Variants in SDK1 observed in about 807,000 individuals in gnomAD.
The protein encoded by SDK1 is sidekick cell adhesion molecule 1, also known as protein sidekick-1.
A neutral mutation model predicts 245.5 loss-of-function variants in SDK1; 157 were observed. The observed-to-expected ratio is 0.64, with a 90% CI of 0.56 to 0.73. The LOEUF is 0.73. Ranked by LOEUF, SDK1 falls within the 30% of genes least tolerant of loss-of-function variation. SDK1 has a pLI of 0.00. For missense variants in SDK1, 3,583 were observed against 3,002.3 expected (o/e 1.19, Z -4.52); for synonymous variants, 1,647 against 1,278.5 (o/e 1.29, Z -6.15).
chr7:3,660,458 G>C (rs1000256406), intron 4 of SDK1, among the ~76,000 whole-genome samples: 1 of 152,128 alleles, frequency 6.6e-6, no homozygotes, highest in Non-Finnish European at 1.5e-5. Context: ...GGGGAAATAG[G>C]AGGGAGACAG....
At chr7:3,953,579 T>G (rs1781001109) in intron 7 of SDK1, among the ~76,000 whole-genome samples, 1 of 152,140 alleles carries the variant, frequency 6.6e-6, no homozygotes, top group South Asian at 2.1e-4. Context: ...GACGTGTAAA[T>G]CTCTAGTAGA....
At chr7:3,600,849 A>G (rs1420769336) in intron 1 of SDK1, among the ~76,000 whole-genome samples, 1 of 152,084 alleles carries the variant, frequency 6.6e-6, no homozygotes, top group Non-Finnish European at 1.5e-5. Context: ...TGCCTGGCCA[A>G]TGTAGGTTTT....
At chr7:3,812,082 G>A (rs769970680) in intron 4 of SDK1, among the ~76,000 whole-genome samples, 1 of 152,094 alleles carries the variant, frequency 6.6e-6, no homozygotes, top group Non-Finnish European at 1.5e-5. Flanking sequence ...ATCCCCTTGT[G>A]TTCAACAACC....
At chr7:4,031,220 CAT>C (rs1265390521) in intron 17 of SDK1, among the ~76,000 whole-genome samples, 1 of 152,206 alleles carries the variant, frequency 6.6e-6, no homozygotes, top group East Asian at 1.9e-4. Context: ...CACACATACA[CAT>C]ATGCATGCAG....
At chr7:4,204,552 C>T (rs1429781740) in intron 35 of SDK1, among the ~76,000 whole-genome samples, 2 of 152,046 alleles carry the variant, frequency 1.3e-5, no homozygotes, top group Non-Finnish European at 1.5e-5. Context: ...GGGGAAGGGG[C>T]GAGTCCTGAG....
At chr7:3,504,182 A>ATGTGTGTATGTGTG (rs1554281088) in intron 1 of SDK1, among the ~76,000 whole-genome samples, 8 of 131,886 alleles carry the variant, frequency 6.1e-5, no homozygotes. Flanking sequence ...ATATATATAT[A>ATGTGTGTATGTGTG]TGTGTGTGTG....
chr7:4,115,986 A>G (rs1783680160), intron 25 of SDK1, among the ~76,000 whole-genome samples: 1 of 152,156 alleles, frequency 6.6e-6, no homozygotes, highest in African/African-American at 2.4e-5. Flanking sequence ...GTGGGGGCAC[A>G]AGGCCTGTTG....
At chr7:3,776,980 C>G (rs957220667) in intron 4 of SDK1, among the ~76,000 whole-genome samples, 3 of 152,154 alleles carry the variant, frequency 2.0e-5, no homozygotes, top group Non-Finnish European at 2.9e-5. Flanking sequence ...TTTCCACCCC[C>G]ACACACACTT....
intron 1 of SDK1, among the ~76,000 whole-genome samples, chr7:3,507,988 C>T (rs1228255811): frequency 1.3e-5 from 2 of 152,168 alleles, no homozygotes; most frequent in Admixed American, 6.6e-5. Context: ...GTCCTGGAAT[C>T]CTCTTTTCCC....
chr7:4,178,656 C>T (rs750773739), intron 35 of SDK1, 70 bp downstream of exon 35: 89 of 1,102,318 alleles, frequency 8.1e-5, no homozygotes, highest in Non-Finnish European at 1.1e-4. Context: ...AGGCACGCTG[C>T]GGCCAAGCCC....
At chr7:3,589,088 C>T (rs991420068) in intron 1 of SDK1, among the ~76,000 whole-genome samples, 1 of 152,228 alleles carries the variant, frequency 6.6e-6, no homozygotes, top group Non-Finnish European at 1.5e-5. Flanking sequence ...TGCAACTCAG[C>T]AGGGAGAAAT....
At chr7:3,690,812 C>T (rs1784419718) in intron 4 of SDK1, among the ~76,000 whole-genome samples, 1 of 152,160 alleles carries the variant, frequency 6.6e-6, no homozygotes, top group South Asian at 2.1e-4. Flanking sequence ...TGTCTTTAGA[C>T]ATCCAAGAAA....
chr7:3,659,716 A>G (rs192651177), intron 4 of SDK1, among the ~76,000 whole-genome samples: 90 of 152,330 alleles, frequency 5.9e-4, no homozygotes, highest in African/African-American at 2.1e-3. Flanking sequence ...TTTGTGAAGA[A>G]TAGAGAGTAA....
chr7:3,832,569 A>G (rs1295530941), intron 5 of SDK1, among the ~76,000 whole-genome samples: 1 of 152,228 alleles, frequency 6.6e-6, no homozygotes, highest in Non-Finnish European at 1.5e-5. Context: ...AAGGCCACTT[A>G]ACAATGCTGA....
chr7:3,772,845 G>C (rs1780442319), intron 4 of SDK1, among the ~76,000 whole-genome samples: 2 of 152,098 alleles, frequency 1.3e-5, no homozygotes. Context: ...CTAGCTGTAG[G>C]ATTCTTGGTT....
chr7:3,658,569 T>C (rs1217033674), intron 4 of SDK1, among the ~76,000 whole-genome samples: 1 of 151,920 alleles, frequency 6.6e-6, no homozygotes, highest in Non-Finnish European at 1.5e-5. Flanking sequence ...CAGTGGTTTT[T>C]AGTATATTCA....
At chr7:3,965,710 AC>A (rs1423715473) in intron 9 of SDK1, among the ~76,000 whole-genome samples, 1 of 151,758 alleles carries the variant, frequency 6.6e-6, no homozygotes, top group African/African-American at 2.4e-5. Flanking sequence ...GGACGAGATG[AC>A]TCCAGCCAGC....
At chr7:3,832,160 C>G (rs557324597) in intron 5 of SDK1, among the ~76,000 whole-genome samples, 1 of 152,272 alleles carries the variant, frequency 6.6e-6, no homozygotes, top group African/African-American at 2.4e-5. Context: ...GGTAACAAAT[C>G]AAAGCAACAA....
In SDK1 at chr7:4,265,285, G is replaced by C. The variant is rs1334192737; in HGVS notation, c.6543G>C (p.Gln2181His). 1.9e-6 allele frequency: 3 copies of C among 1,585,290 alleles called. No homozygotes were observed. Among genetic ancestry groups the C allele is most frequent in the Admixed American group, 1.7e-5 (1 of 58,120 alleles). The change falls in exon 45 of 45, where the codon CAG becomes CAC. Residue 2181 changes from glutamine (Q) to histidine (H), a missense_variant. Gln to His is a conservative substitution (Grantham distance 24). Coordinates refer to ENST00000404826, the MANE Select transcript of SDK1 (RefSeq NM_152744.4). ...EAVAGSEAGA[Q>H]LHPVITTQSA... ...TGGCGGGCTCCGAGGCGGGCGCGCAGCTGCACCCGGTCATCACCACGCAGA... is the reference window on the plus strand; with the variant it reads ...TGGCGGGCTCCGAGGCGGGCGCGCACCTGCACCCGGTCATCACCACGCAGA...
Sources: gnomAD v4.1 joint callset for allele counts (sites outside exome capture counted in the v4.1 genomes callset) on GRCh38, gnomAD v4.1.1 for gene constraint, MANE v1.5 for transcripts, NCBI Gene and HGNC (gene_info 2026-07-23, HGNC 2026-07-21) for gene names.